Variants in PHACTR4 observed in about 807,000 individuals in gnomAD.
PHACTR4 encodes the protein phosphatase and actin regulator 4.
A neutral mutation model predicts 72.7 loss-of-function variants in PHACTR4; 51 were observed. The ratio of observed to expected loss-of-function variants is 0.70; its 90% CI spans 0.56 to 0.89. The LOEUF is 0.89. Among genes scored for constraint, PHACTR4 ranks in the 40% least tolerant of loss-of-function variants. The pLI is 0.00. For synonymous variants in PHACTR4, 255 were observed against 302.5 expected, an observed-to-expected ratio of 0.84 and a Z score of 1.63; for missense variants, 731 against 861.8, an observed-to-expected ratio of 0.85 and a Z score of 1.90.
intron 9 of PHACTR4, among the ~76,000 whole-genome samples, chr1:28,484,300 G>A (rs1368549772): frequency 2.6e-5 from 4 of 151,970 alleles, no homozygotes; most frequent in East Asian, 1.9e-4. Flanking sequence ...CAGTCTGGAC[G>A]ACAGAGTAAG....
At chr1:28,487,724 G>GTTTTTTTTTTTTTTTTTTTTTTT (rs1054105118) in intron 9 of PHACTR4, among the ~76,000 whole-genome samples, 1 of 71,468 alleles carries the variant, frequency 1.4e-5, no homozygotes, top group African/African-American at 5.7e-5. Flanking sequence ...GTAGTTTTTT[G>GTTTTTTTTTTTTTTTTTTTTTTT]TTGTTTTTTT....
At chr1:28,443,073 A>G (rs1338650770) in intron 2 of PHACTR4, among the ~76,000 whole-genome samples, 1 of 151,944 alleles carries the variant, frequency 6.6e-6, no homozygotes, top group African/African-American at 2.4e-5. Context: ...TTCCCTACCC[A>G]TCCCTTCCCA....
intron 2 of PHACTR4, among the ~76,000 whole-genome samples, chr1:28,436,187 C>G (rs1656623236): frequency 6.6e-6 from 1 of 152,128 alleles, no homozygotes; most frequent in Admixed American, 6.6e-5. Flanking sequence ...TGCTAGAAAT[C>G]TTTCTGGGAT....
At chr1:28,436,036 T>G (rs1246806704) in intron 2 of PHACTR4, among the ~76,000 whole-genome samples, 1 of 152,226 alleles carries the variant, frequency 6.6e-6, no homozygotes, top group Non-Finnish European at 1.5e-5. Context: ...TTCTGTACTT[T>G]TTTCCCTTAC....
chr1:28,387,125 G>C (rs1652617728), intron 1 of PHACTR4, among the ~76,000 whole-genome samples: 1 of 152,052 alleles, frequency 6.6e-6, no homozygotes, highest in African/African-American at 2.4e-5. Flanking sequence ...GCTGGGCGTG[G>C]TGGCACGCAC....
intron 2 of PHACTR4, among the ~76,000 whole-genome samples, chr1:28,408,484 G>A (rs984390425): frequency 2.0e-5 from 3 of 152,080 alleles, no homozygotes; most frequent in Non-Finnish European, 4.4e-5. Context: ...CTTGAGGCCT[G>A]GAAGGCGGAG....
intron 2 of PHACTR4, among the ~76,000 whole-genome samples, chr1:28,434,985 G>T (rs936668347): frequency 1.3e-4 from 20 of 152,164 alleles, no homozygotes; most frequent in African/African-American, 3.9e-4. Context: ...GGCTGTGTGT[G>T]TGTGTGTATT....
At chr1:28,491,368 G>A (rs1386868530) in intron 11 of PHACTR4, among the ~76,000 whole-genome samples, 1 of 151,926 alleles carries the variant, frequency 6.6e-6, no homozygotes, top group Non-Finnish European at 1.5e-5. Context: ...TGAGGTAGGA[G>A]GATCATTTGA....
intron 2 of PHACTR4, among the ~76,000 whole-genome samples, chr1:28,443,323 C>A (rs1274995981): frequency 6.6e-6 from 1 of 151,906 alleles, no homozygotes; most frequent in Admixed American, 6.6e-5. Context: ...ACTCTGTCAC[C>A]GAGGCTGGAG....
chr1:28,384,033 G>C (rs1030173609), intron 1 of PHACTR4, among the ~76,000 whole-genome samples: 2 of 152,286 alleles, frequency 1.3e-5, no homozygotes, highest in African/African-American at 4.8e-5. Context: ...TGGTGGGTAA[G>C]CTTTTTGATG....
intron 1 of PHACTR4, among the ~76,000 whole-genome samples, chr1:28,375,136 T>A (rs1438237104): frequency 2.6e-5 from 4 of 152,042 alleles, no homozygotes; most frequent in Non-Finnish European, 5.9e-5. Flanking sequence ...CCATCTCTAC[T>A]AAAAATAAAA....
chr1:28,372,438 C>T (rs1323695359), intron 1 of PHACTR4, among the ~76,000 whole-genome samples: 2 of 152,094 alleles, frequency 1.3e-5, no homozygotes, highest in Non-Finnish European at 2.9e-5. Context: ...ATTAGTAATA[C>T]TGTATAGGGA....
intron 1 of PHACTR4, among the ~76,000 whole-genome samples, chr1:28,379,294 G>A (rs1651946456): frequency 6.8e-6 from 1 of 148,146 alleles, no homozygotes; most frequent in African/African-American, 2.5e-5. Flanking sequence ...TTGAAACAGA[G>A]TCTCAGTCTG....
At chr1:28,389,195 A>G (rs1251969197) in intron 1 of PHACTR4, among the ~76,000 whole-genome samples, 1 of 152,164 alleles carries the variant, frequency 6.6e-6, no homozygotes, top group Non-Finnish European at 1.5e-5. Context: ...AAAAGATCTG[A>G]ATAGACATTT....
Position 28,459,709 on chromosome 1 carries a change from A to G in PHACTR4, c.190+451A>G, listed in dbSNP as rs1658664138. On this transcript the variant is annotated intron_variant, in intron 3 of 13. Coordinates refer to ENST00000373839, the MANE Select transcript of PHACTR4 (RefSeq NM_001048183.3). The stretch of plus-strand genomic sequence containing the variant: ...GAGCCACTGTGGCTGGCCAGAGTTT[A>G]ATCTTTTAGAATTAAACATCAAAAT... Among the ~76,000 whole-genome samples, 3 of 152,070 alleles carry G rather than the reference A, an allele frequency of 2.0e-5. No homozygotes were observed. The South Asian group carries it at 6.2e-4, about 32-fold the overall frequency.
chr1:28,395,528 G>A (rs1257077527), intron 1 of PHACTR4, among the ~76,000 whole-genome samples: 10 of 152,050 alleles, frequency 6.6e-5, no homozygotes, highest in African/African-American at 2.4e-4. Flanking sequence ...CAAAGAGGAG[G>A]AGGTCAGTTT....
intron 2 of PHACTR4, among the ~76,000 whole-genome samples, chr1:28,424,423 C>T (rs1300140721): frequency 6.6e-6 from 1 of 152,126 alleles, no homozygotes; most frequent in Non-Finnish European, 1.5e-5. Flanking sequence ...TTCCAAAGTG[C>T]TAAGATTACA....
chr1:28,464,712 TC>T (rs1188924158), intron 4 of PHACTR4, among the ~76,000 whole-genome samples: 1 of 152,168 alleles, frequency 6.6e-6, no homozygotes, highest in African/African-American at 2.4e-5. Flanking sequence ...TCTTTTTTTT[TC>T]TTTCTTTGAG....
intron 2 of PHACTR4, among the ~76,000 whole-genome samples, chr1:28,416,774 G>C (rs1461533113): frequency 6.6e-6 from 1 of 152,170 alleles, no homozygotes; most frequent in Non-Finnish European, 1.5e-5. Flanking sequence ...TTTTCTTCCA[G>C]CCTGTGGCTT....
Sources: allele counts gnomAD v4.1 joint callset (sites outside exome capture counted in the v4.1 genomes callset), GRCh38; gene constraint gnomAD v4.1.1; transcripts MANE v1.5; gene names NCBI Gene and HGNC (gene_info 2026-07-23, HGNC 2026-07-21).